ARID1B: variants seen among roughly 807,000 people sequenced by gnomAD.
The protein encoded by ARID1B is AT-rich interactive domain-containing protein 1B.
Under a neutral mutation model 212.3 loss-of-function variants are expected in ARID1B, and 30 were observed. That is an observed-to-expected ratio of 0.14 (90% CI 0.11 to 0.19). ARID1B has a LOEUF of 0.19. Ranked by LOEUF, ARID1B falls within the 10% of genes least tolerant of loss-of-function variation. ARID1B has a pLI of 1.00. For missense variants in ARID1B, 2,891 were observed against 3,204.0 expected (o/e 0.90, Z 2.36); for synonymous variants, 1,402 against 1,301.7 (o/e 1.08, Z -1.66).
rs182093707 is a variant in ARID1B at position 157,155,459 on chromosome 6, A to G, written c.3089+6508A>G. On this transcript the variant is annotated intron_variant, in intron 8 of 19. Coordinates refer to ENST00000636930, the MANE Select transcript of ARID1B (RefSeq NM_001374828.1). Reference sequence around the variant, plus strand: ...CTAACTGAGCATCAGAAGAAGGAGAAGTCTCAGACTTCTTAATTTCAAAAA... The same window carrying G: ...CTAACTGAGCATCAGAAGAAGGAGAGGTCTCAGACTTCTTAATTTCAAAAA... 1.5e-3 allele frequency among the ~76,000 whole-genome samples: 230 copies of G among 152,086 alleles called. 1 individual carries two copies. Among genetic ancestry groups the G allele is most frequent in the Non-Finnish European group, 2.1e-3 (145 of 67,996 alleles).
intron 19 of ARID1B, 123 bp downstream of exon 19, chr6:157,204,119 C>T: frequency 8.0e-7 from 1 of 1,247,916 alleles, no homozygotes; most frequent in Non-Finnish European, 1.1e-6. Context: ...TTAATCACTG[C>T]AGTTGTTATC....
At chr6:156,909,123 C>CTTTTTT (rs60183999) in intron 3 of ARID1B, among the ~76,000 whole-genome samples, 29 of 108,816 alleles carry the variant, frequency 2.7e-4, no homozygotes, top group African/African-American at 4.1e-4. Flanking sequence ...TTTTCTTTCT[C>CTTTTTT]TTTTTTTTTT....
chr6:157,124,054 G>C (rs535854373), intron 6 of ARID1B, among the ~76,000 whole-genome samples: 1 of 152,244 alleles, frequency 6.6e-6, no homozygotes, highest in Non-Finnish European at 1.5e-5. Context: ...TTCTGGCCTA[G>C]TAGACTCGTT....
chr6:157,191,541 G>T (rs962952405), intron 15 of ARID1B, among the ~76,000 whole-genome samples: 4 of 152,120 alleles, frequency 2.6e-5, no homozygotes, highest in African/African-American at 9.7e-5. Flanking sequence ...GAGTGCAGAA[G>T]TTTATGACTG....
intron 1 of ARID1B, among the ~76,000 whole-genome samples, chr6:156,822,025 G>C (rs1346094667): frequency 6.7e-6 from 1 of 149,800 alleles, no homozygotes; most frequent in Non-Finnish European, 1.5e-5. Flanking sequence ...TTTTTTTTCA[G>C]TAGAGAAGGG....
intron 1 of ARID1B, among the ~76,000 whole-genome samples, chr6:156,782,907 G>A (rs1779375430): frequency 6.6e-6 from 1 of 151,396 alleles, no homozygotes; most frequent in African/African-American, 2.4e-5. Flanking sequence ...ATGAAATTAT[G>A]CATGGCTTAA....
At chr6:156,961,941 A>G (rs1390070529) in intron 4 of ARID1B, among the ~76,000 whole-genome samples, 1 of 152,016 alleles carries the variant, frequency 6.6e-6, no homozygotes, top group Non-Finnish European at 1.5e-5. Flanking sequence ...TATTTTTACT[A>G]GGGTCAGTAA....
intron 2 of ARID1B, among the ~76,000 whole-genome samples, chr6:156,887,127 C>T (rs528649888): frequency 1.8e-4 from 27 of 152,272 alleles, no homozygotes; most frequent in African/African-American, 3.6e-4. Flanking sequence ...CTCAGGAAGG[C>T]GACAGAAGAC....
chr6:157,053,944 G>A (rs1036452597), intron 4 of ARID1B, among the ~76,000 whole-genome samples: 1 of 152,120 alleles, frequency 6.6e-6, no homozygotes, highest in Admixed American at 6.5e-5. Flanking sequence ...AAAACATTAG[G>A]CCGGGCACAG....
At chr6:156,987,455 C>T (rs2128395429) in intron 4 of ARID1B, among the ~76,000 whole-genome samples, 1 of 152,144 alleles carries the variant, frequency 6.6e-6, no homozygotes, top group Admixed American at 6.5e-5. Context: ...CTCAGCCTCC[C>T]AAGTAGCTGA....
chr6:156,820,607 C>T (rs1180625331), intron 1 of ARID1B, among the ~76,000 whole-genome samples: 1 of 152,170 alleles, frequency 6.6e-6, no homozygotes, highest in Non-Finnish European at 1.5e-5. Flanking sequence ...AGCAACACTG[C>T]GAGGTGAGTG....
chr6:156,927,161 T>C (rs1462734664), intron 3 of ARID1B, among the ~76,000 whole-genome samples: 1 of 152,232 alleles, frequency 6.6e-6, no homozygotes, highest in Non-Finnish European at 1.5e-5. Context: ...TAATTTACAT[T>C]GTGGGGTAGT....
intron 2 of ARID1B, 164 bp downstream of exon 2, chr6:156,829,585 T>C: frequency 1.2e-6 from 1 of 831,376 alleles, no homozygotes; most frequent in Non-Finnish European, 1.8e-6. Context: ...TTTTTTTCTT[T>C]TAAAGATGGA....
intron 13 of ARID1B, among the ~76,000 whole-genome samples, chr6:157,187,763 G>GAA (rs987947976): frequency 7.0e-6 from 1 of 143,544 alleles, no homozygotes; most frequent in Non-Finnish European, 1.5e-5. Flanking sequence ...GAAAGGAAAG[G>GAA]AAAAAAAAAA....
At chr6:157,173,035 C>T (rs373242348) in intron 9 of ARID1B, 2 of 152,268 alleles carry the variant, frequency 1.3e-5, no homozygotes, top group African/African-American at 4.8e-5. Flanking sequence ...GTTGGTGCCT[C>T]ACTCGCAGCC....
At chr6:156,947,082 A>T (rs1247765547) in intron 4 of ARID1B, among the ~76,000 whole-genome samples, 1 of 152,196 alleles carries the variant, frequency 6.6e-6, no homozygotes. Context: ...ATCATCCCAG[A>T]GTGTCTCTAA....
At chr6:156,855,580 AATTAT>A (rs760120735) in intron 2 of ARID1B, among the ~76,000 whole-genome samples, 3 of 152,250 alleles carry the variant, frequency 2.0e-5, no homozygotes, top group African/African-American at 4.8e-5. Flanking sequence ...ATCATTTTAT[AATTAT>A]ATTAAGATGA....
At chr6:156,905,250 G>GCACACACACACAAACACACACA (rs1789275775) in intron 3 of ARID1B, among the ~76,000 whole-genome samples, 1 of 143,730 alleles carries the variant, frequency 7.0e-6, no homozygotes, top group African/African-American at 2.6e-5. Context: ...ACATATGCAC[G>GCACACACACACAAACACACACA]CACACACACA....
chr6:157,029,587 G>C (rs1780897814), intron 4 of ARID1B, among the ~76,000 whole-genome samples: 1 of 152,222 alleles, frequency 6.6e-6, no homozygotes, highest in African/African-American at 2.4e-5. Context: ...TTATACAAAA[G>C]AAGGAGAGGG....
Sources: gnomAD v4.1 joint callset for allele counts (sites outside exome capture counted in the v4.1 genomes callset) on GRCh38, gnomAD v4.1.1 for gene constraint, MANE v1.5 for transcripts, NCBI Gene and HGNC (gene_info 2026-07-23, HGNC 2026-07-21) for gene names.